Variants in IL6ST observed in about 807,000 individuals in gnomAD.
IL6ST encodes interleukin 6 cytokine family signal transducer.
Under a neutral mutation model 91.3 loss-of-function variants are expected in IL6ST, and 24 were observed. The observed-to-expected ratio is 0.26, with a 90% CI of 0.19 to 0.37. The LOEUF (loss-of-function observed/expected upper bound fraction) is 0.37. Among genes scored for constraint, IL6ST ranks in the 10% least tolerant of loss-of-function variants. The probability of loss-of-function intolerance (pLI) is 1.00; values close to 1 mark genes in which losing one functional copy is unlikely to be tolerated. For synonymous variants in IL6ST, 351 were observed against 373.6 expected (o/e 0.94, Z 0.70); for missense variants, 914 against 1,078.5 (o/e 0.85, Z 2.14).
intron 1 of IL6ST, among the ~76,000 whole-genome samples, chr5:55,983,703 T>C (rs1296913411): frequency 6.6e-6 from 1 of 152,190 alleles, no homozygotes; most frequent in African/African-American, 2.4e-5. Flanking sequence ...AAAAATGCCA[T>C]GTGAAAGTGC....
chr5:55,959,462 G>A (rs555297775), intron 8 of IL6ST, among the ~76,000 whole-genome samples: 70 of 152,120 alleles, frequency 4.6e-4, no homozygotes, highest in Middle Eastern at 3.2e-3. Context: ...TGATAGGAAG[G>A]TCTCAAAATG....
intron 11 of IL6ST, among the ~76,000 whole-genome samples, chr5:55,953,186 C>A (rs1561166940): frequency 1.3e-5 from 2 of 151,916 alleles, no homozygotes; most frequent in Non-Finnish European, 2.9e-5. Context: ...GAAATTTATA[C>A]CTTCAATAAG....
At chr5:55,943,297 C>T (rs1238217733) in intron 15 of IL6ST, among the ~76,000 whole-genome samples, 1 of 152,012 alleles carries the variant, frequency 6.6e-6, no homozygotes, top group African/African-American at 2.4e-5. Context: ...TTGAAAGACA[C>T]AAATTACCAA....
In IL6ST at chr5:55,941,757, C is replaced by T. The variant is rs1750935745; in HGVS notation, c.2082G>A (p.Val694=). ...GCTTTTTGTCATTTGCTTCTATTTC[C>T]ACAACACTTACATCAGTGAAATTGC... ...SDGNFTDVSV[V]EIEANDKKPF... Residue 694 remains valine (V), a synonymous_variant, in exon 17 of 17, where the codon GTG becomes GTA. Transcript: ENST00000381298. 1.2e-6 allele frequency: 2 copies of T among 1,613,832 alleles called. No homozygotes were observed. The highest frequency in any genetic ancestry group is 8.5e-7 in the Non-Finnish European group (1 of 1,179,784).
At chr5:55,944,736 C>G (rs1251294551) in intron 15 of IL6ST, 1 of 1,033,068 alleles carries the variant, frequency 9.7e-7, no homozygotes, top group African/African-American at 1.6e-5. Context: ...CCAAGTAAAC[C>G]GCTAGCTTGT....
chr5:55,965,772 G>A (rs1160948391), intron 5 of IL6ST, among the ~76,000 whole-genome samples: 53 of 143,402 alleles, frequency 3.7e-4, no homozygotes, highest in South Asian at 2.2e-4. Context: ...CCGAGATCAC[G>A]CCACTTCACT....
intron 3 of IL6ST, among the ~76,000 whole-genome samples, chr5:55,973,293 T>C (rs540163533): frequency 2.0e-5 from 3 of 152,182 alleles, no homozygotes; most frequent in Non-Finnish European, 2.9e-5. Flanking sequence ...TCACGCATAC[T>C]CTTTTCATGA....
Position 55,941,120 on chromosome 5 carries a change from G to C in IL6ST, c.2719C>G (p.Pro907Ala), listed in dbSNP as rs761793980. ...TDEGMPKSYL[P>A]QTVRQGGYMP... ...TAGCCGCCTTGCCGTACAGTCTGTG[G>C]TAAGTAACTTTTAGGCATGCCTTCA... The change falls in exon 17 of 17, where the codon CCA becomes GCA. Residue 907 changes from proline (P) to alanine (A), a missense_variant. Pro to Ala is a conservative substitution (Grantham distance 27). Coordinates refer to ENST00000381298, the MANE Select transcript of IL6ST (RefSeq NM_002184.4). The C allele has an allele frequency of 1.9e-6, 3 of 1,613,992 alleles. No homozygotes were observed. The highest frequency in any genetic ancestry group is 2.5e-6 in the Non-Finnish European group (3 of 1,179,900).
At chr5:55,963,550 T>G (rs1165608485) in intron 6 of IL6ST, 44 bp from the exon 7 acceptor site, 12 of 1,417,988 alleles carry the variant, frequency 8.5e-6, no homozygotes, top group Non-Finnish European at 1.1e-5. Flanking sequence ...GTTTTCCAAT[T>G]TCATATACAA....
chr5:55,949,806 C>A (rs1383167118), intron 14 of IL6ST, among the ~76,000 whole-genome samples: 4 of 152,118 alleles, frequency 2.6e-5, no homozygotes, highest in African/African-American at 4.8e-5. Flanking sequence ...ATTCAACCAA[C>A]AAGGCACATG....
In IL6ST at chr5:55,937,374, T is replaced by C. The variant is rs1750602777; in HGVS notation, c.*3708A>G. The C allele has an allele frequency of 4.7e-6, 1 of 212,528 alleles. No individual in the cohort carries two copies. Among genetic ancestry groups the C allele is most frequent in the Admixed American group, 5.9e-5 (1 of 17,030 alleles). 13.2% of individuals were successfully genotyped at this position (212,528 alleles called of 1,614,324 possible). A position where few individuals can be genotyped will look rare whatever the true frequency, so the allele number is the denominator to read the frequency against. On this transcript the variant is annotated 3_prime_UTR_variant, in exon 17 of 17. Transcript: ENST00000381298. ...ATTTTTAATGCAATGTATATGAGAA[T>C]ATCATGCTAATGCACATACTAGTAG... is the stretch of plus-strand genomic sequence containing the variant.
intron 1 of IL6ST, among the ~76,000 whole-genome samples, chr5:55,989,195 T>C (rs1754173884): frequency 7.5e-6 from 1 of 134,148 alleles, no homozygotes; most frequent in East Asian, 2.1e-4. Flanking sequence ...AAAGTAAACA[T>C]AGCACTGATT....
Position 55,941,667 on chromosome 5 carries a change from G to A in IL6ST, c.2172C>T (p.His724=). The A allele has an allele frequency of 1.2e-6, 2 of 1,614,068 alleles. No individual in the cohort carries two copies. Among genetic ancestry groups the A allele is most frequent in the Non-Finnish European group, 1.7e-6 (2 of 1,179,998 alleles). The stretch of plus-strand genomic sequence containing the variant: ...ATGAAGACCCCCCAATACCACTGCT[G>A]TGTCCTTCAGTATTAATTTTTTCCT... ...FKKEKINTEG[H]SSGIGGSSCM... The change falls in exon 17 of 17, where the codon CAC becomes CAT. Residue 724 remains histidine, a synonymous_variant. Transcript: ENST00000381298.
intron 11 of IL6ST, among the ~76,000 whole-genome samples, chr5:55,952,817 T>G (rs766381269): frequency 9.5e-4 from 144 of 152,142 alleles, no homozygotes; most frequent in Non-Finnish European, 1.6e-3. Context: ...ATCCCAGCAC[T>G]TTGGGAGGTT....
chr5:55,964,837 TACAA>T (rs1752547055), intron 5 of IL6ST, among the ~76,000 whole-genome samples: 1 of 152,122 alleles, frequency 6.6e-6, no homozygotes, highest in Admixed American at 6.5e-5. Flanking sequence ...TATATTTATT[TACAA>T]TTATATAAAT....
chr5:55,945,327 G>A (rs974369583), intron 15 of IL6ST, among the ~76,000 whole-genome samples: 2 of 152,120 alleles, frequency 1.3e-5, no homozygotes, highest in African/African-American at 4.8e-5. Context: ...ACAGAAGTGA[G>A]AGTATGGAAA....
intron 7 of IL6ST, among the ~76,000 whole-genome samples, chr5:55,963,127 T>C (rs1752421122): frequency 6.6e-6 from 1 of 151,790 alleles, no homozygotes; most frequent in Non-Finnish European, 1.5e-5. Flanking sequence ...TCACCCTATA[T>C]CATTTTCATG....
At chr5:55,954,582 T>C (rs1282056776) in intron 11 of IL6ST, among the ~76,000 whole-genome samples, 1 of 152,136 alleles carries the variant, frequency 6.6e-6, no homozygotes, top group East Asian at 1.9e-4. Flanking sequence ...GACGATAAAA[T>C]CATATTGGGG....
chr5:55,992,950 T>G (rs1299865339), intron 1 of IL6ST, among the ~76,000 whole-genome samples: 2 of 152,272 alleles, frequency 1.3e-5, no homozygotes, highest in Non-Finnish European at 2.9e-5. Flanking sequence ...TTACATCTCC[T>G]GCACCTTTGT....
Sources: gnomAD v4.1 joint callset for allele counts (sites outside exome capture counted in the v4.1 genomes callset) on GRCh38, gnomAD v4.1.1 for gene constraint, MANE v1.5 for transcripts, NCBI Gene and HGNC (gene_info 2026-07-23, HGNC 2026-07-21) for gene names.